PDZD2: variants seen among roughly 807,000 people sequenced by gnomAD.
The protein encoded by PDZD2 is PDZ domain containing 2.
A neutral mutation model predicts 220.7 loss-of-function variants in PDZD2; 90 were observed. The ratio of observed to expected loss-of-function variants is 0.41; its 90% CI spans 0.34 to 0.49. The LOEUF (loss-of-function observed/expected upper bound fraction) is 0.49, where lower values mean the gene tolerates loss of function less well. PDZD2 is among the 20% of genes least tolerant of loss of function. The pLI is 0.28. For synonymous variants in PDZD2, 1,375 were observed against 1,450.5 expected, an observed-to-expected ratio of 0.95 and a Z score of 1.18; for missense variants, 3,174 against 3,608.5, an observed-to-expected ratio of 0.88 and a Z score of 3.08.
intron 24 of PDZD2, 151 bp downstream of exon 24, chr5:32,101,390 T>A: frequency 1.4e-6 from 1 of 733,962 alleles, no homozygotes; most frequent in Non-Finnish European, 2.2e-6. Flanking sequence ...TATGGACATG[T>A]ATTAACTCAT....
intron 2 of PDZD2, among the ~76,000 whole-genome samples, chr5:31,955,626 A>G (rs533145797): frequency 1.4e-4 from 21 of 146,230 alleles, no homozygotes; most frequent in Non-Finnish European, 2.8e-4. Context: ...CTAGTCTCTC[A>G]TTTATCTTTC....
intron 12 of PDZD2, among the ~76,000 whole-genome samples, chr5:32,058,629 G>A (rs1176901158): frequency 2.7e-5 from 4 of 148,332 alleles, no homozygotes; most frequent in East Asian, 2.0e-4. Context: ...AGCCGAGATC[G>A]TGCCACTGCA....
At chr5:31,668,789 G>A (rs1746099342) in intron 1 of PDZD2, among the ~76,000 whole-genome samples, 1 of 152,158 alleles carries the variant, frequency 6.6e-6, no homozygotes, top group Admixed American at 6.5e-5. Context: ...ATGAAGTGCA[G>A]TAAATAATGA....
rs544827060 is a variant in PDZD2 at position 31,719,498 on chromosome 5, T to C, written c.-360-79391T>C. On this transcript the variant is annotated intron_variant, in intron 1 of 24. Transcript: ENST00000438447. Reference sequence around the variant, plus strand: ...AAGTTTCTGAGTGACAGCTTGAAACTGACAAAACTCCTTGTACTAAATAAA... The same window carrying C: ...AAGTTTCTGAGTGACAGCTTGAAACCGACAAAACTCCTTGTACTAAATAAA... Among the ~76,000 whole-genome samples, 4 of 152,328 alleles carry C rather than the reference T, an allele frequency of 2.6e-5. No individual in the cohort carries two copies. The East Asian group carries it at 5.8e-4, about 22-fold the overall frequency.
intron 2 of PDZD2, among the ~76,000 whole-genome samples, chr5:31,891,433 A>C (rs1741032016): frequency 6.6e-6 from 1 of 152,040 alleles, no homozygotes; most frequent in Non-Finnish European, 1.5e-5. Flanking sequence ...CTCCTCCCTC[A>C]GCCTCCCTTA....
At chr5:31,933,035 C>T (rs1224195400) in intron 2 of PDZD2, among the ~76,000 whole-genome samples, 1 of 152,004 alleles carries the variant, frequency 6.6e-6, no homozygotes, top group African/African-American at 2.4e-5. Context: ...CTCATCCTCC[C>T]GAGTAGCTGG....
chr5:31,998,877 C>T (rs914462351), intron 4 of PDZD2, among the ~76,000 whole-genome samples: 2 of 152,242 alleles, frequency 1.3e-5, no homozygotes, highest in African/African-American at 2.4e-5. Context: ...ATCCGAGGCT[C>T]GAGGTCCCTC....
At chr5:31,689,383 C>T (rs1409613568) in intron 1 of PDZD2, among the ~76,000 whole-genome samples, 8 of 61,160 alleles carry the variant, frequency 1.3e-4, no homozygotes, top group African/African-American at 4.4e-4. Flanking sequence ...TAAGTCGAGA[C>T]GGGGTTTCAC....
At chr5:31,948,109 G>C (rs1229193189) in intron 2 of PDZD2, among the ~76,000 whole-genome samples, 3 of 152,202 alleles carry the variant, frequency 2.0e-5, no homozygotes, top group African/African-American at 7.2e-5. Context: ...GGAGGAGTCA[G>C]GATTTCCATA....
intron 2 of PDZD2, among the ~76,000 whole-genome samples, chr5:31,980,844 C>T (rs970603252): frequency 1.3e-5 from 2 of 152,102 alleles, no homozygotes; most frequent in African/African-American, 2.4e-5. Context: ...AGTGCAGTGG[C>T]GCGATCTCAG....
intron 2 of PDZD2, among the ~76,000 whole-genome samples, chr5:31,868,984 G>C (rs1426707532): frequency 2.0e-5 from 3 of 152,104 alleles, no homozygotes; most frequent in Non-Finnish European, 2.9e-5. Context: ...TGTTGCACAG[G>C]CTGGTCTTGA....
chr5:31,830,544 C>T (rs1756518185), intron 2 of PDZD2, among the ~76,000 whole-genome samples: 1 of 151,838 alleles, frequency 6.6e-6, no homozygotes, highest in South Asian at 2.1e-4. Flanking sequence ...ATGAACTAGC[C>T]TATTTGGGAC....
chr5:31,975,039 C>T (rs1469872407), intron 2 of PDZD2, among the ~76,000 whole-genome samples: 1 of 152,172 alleles, frequency 6.6e-6, no homozygotes, highest in East Asian at 1.9e-4. Flanking sequence ...CTAATTATTT[C>T]TTCACTCAGC....
intron 1 of PDZD2, among the ~76,000 whole-genome samples, chr5:31,679,356 T>G (rs1384997984): frequency 1.3e-5 from 2 of 152,214 alleles, no homozygotes; most frequent in African/African-American, 4.8e-5. Flanking sequence ...TCTCCAAAGC[T>G]GAGGATTTTA....
In PDZD2 at chr5:31,662,865, T is replaced by C. The variant is rs183909026; in HGVS notation, c.-361+23428T>C. Among the ~76,000 whole-genome samples the C allele has an allele frequency of 4.6e-3, 701 of 152,298 alleles. 6 individuals are homozygous for C. Among genetic ancestry groups the C allele is most frequent in the African/African-American group, 0.014 (598 of 41,560 alleles). On this transcript the variant is annotated intron_variant, in intron 1 of 24. Transcript: ENST00000438447. ...CAGGATGGTCTTGATCTCCTGACCT[T>C]GTGATCCACCCGCTGTGGCCTCCCA...
chr5:31,811,281 G>A (rs768874995), intron 2 of PDZD2, among the ~76,000 whole-genome samples: 1 of 152,136 alleles, frequency 6.6e-6, no homozygotes. Context: ...CTTACTAGTG[G>A]CTTTTTTGAT....
chr5:32,077,421 T>C (rs765555086), intron 18 of PDZD2, 41 bp from the exon 19 acceptor site: 1 of 1,609,156 alleles, frequency 6.2e-7, no homozygotes, highest in Non-Finnish European at 8.5e-7. Flanking sequence ...GCAGAAAGCC[T>C]GAAAGTTATT....
At chr5:31,975,026 A>G (rs929084395) in intron 2 of PDZD2, among the ~76,000 whole-genome samples, 2 of 152,196 alleles carry the variant, frequency 1.3e-5, no homozygotes, top group African/African-American at 4.8e-5. Flanking sequence ...ATAAATATTT[A>G]CCCTAATTAT....
At chr5:31,906,053 G>A (rs1411444361) in intron 2 of PDZD2, among the ~76,000 whole-genome samples, 2 of 143,396 alleles carry the variant, frequency 1.4e-5, no homozygotes, top group East Asian at 2.0e-4. Context: ...ACAGAGTCTC[G>A]CTCTGTTGCC....
Sources: gnomAD v4.1 joint callset for allele counts (sites outside exome capture counted in the v4.1 genomes callset) on GRCh38, gnomAD v4.1.1 for gene constraint, MANE v1.5 for transcripts, NCBI Gene and HGNC (gene_info 2026-07-23, HGNC 2026-07-21) for gene names.